FNIP2: variants seen among roughly 807,000 people sequenced by gnomAD.
FNIP2 encodes folliculin interacting protein 2.
A neutral mutation model predicts 108.7 loss-of-function variants in FNIP2; 32 were observed. That is an observed-to-expected ratio of 0.29 (90% CI 0.22 to 0.40). FNIP2 has a LOEUF of 0.40. FNIP2 is among the 10% of genes least tolerant of loss of function. The pLI is 1.00. For synonymous variants in FNIP2, 480 were observed against 496.7 expected, an observed-to-expected ratio of 0.97 and a Z score of 0.45; for missense variants, 1,202 against 1,381.6, an observed-to-expected ratio of 0.87 and a Z score of 2.06.
chr4:158,803,142 T>C (rs926483342), intron 1 of FNIP2, among the ~76,000 whole-genome samples: 1 of 152,230 alleles, frequency 6.6e-6, no homozygotes, highest in African/African-American at 2.4e-5. Flanking sequence ...TGTGGGAGTC[T>C]AGTCAGTGAT....
intron 1 of FNIP2, among the ~76,000 whole-genome samples, chr4:158,788,232 T>G (rs1044642212): frequency 1.2e-4 from 19 of 152,206 alleles, no homozygotes; most frequent in African/African-American, 4.3e-4. Context: ...CCTGGAAGCC[T>G]TTGCCGATAA....
rs145063071 is a variant in FNIP2, at chr4:158,866,584, T to A, written c.1466-1518T>A. Among the ~76,000 whole-genome samples the A allele has an allele frequency of 8.3e-4, 125 of 151,040 alleles. 1 individual carries two copies. Among genetic ancestry groups the A allele is most frequent in the Admixed American group, 5.5e-3 (84 of 15,158 alleles). On this transcript the variant is annotated intron_variant, in intron 12 of 16. Coordinates refer to ENST00000264433, the MANE Select transcript of FNIP2 (RefSeq NM_020840.3). ...ATACAAAGATACAATGAGACACATC[T>A]TTTTTTATGAGATGGAGTTTTGCTC...
intron 8 of FNIP2, among the ~76,000 whole-genome samples, chr4:158,858,075 T>C (rs1310605961): frequency 6.6e-6 from 1 of 152,206 alleles, no homozygotes; most frequent in Admixed American, 6.5e-5. Flanking sequence ...AGTAAATAAG[T>C]TGAAGACCAG....
chr4:158,852,054 A>C lies in FNIP2; in HGVS notation c.857+604A>C, dbSNP rs796153650. Among the ~76,000 whole-genome samples, 6 of 152,234 alleles carry C rather than the reference A, an allele frequency of 3.9e-5. No individual in the cohort carries two copies. The South Asian group carries it at 1.0e-3, about 26-fold the overall frequency. The stretch of plus-strand genomic sequence containing the variant: ...GGAATTTTTATATGTACCTATAAAA[A>C]TTCACATGTCAATTAACTGATTTAG... On this transcript the variant is annotated intron_variant, in intron 8 of 16. Transcript: ENST00000264433.
chr4:158,903,810 T>A (rs1729575596), intron 16 of FNIP2, among the ~76,000 whole-genome samples: 2 of 152,180 alleles, frequency 1.3e-5, no homozygotes, highest in South Asian at 4.1e-4. Context: ...AGTTCAATTT[T>A]TTTTTTTCAT....
At chr4:158,873,919 T>A (rs1189134640) in intron 14 of FNIP2, among the ~76,000 whole-genome samples, 2 of 152,250 alleles carry the variant, frequency 1.3e-5, no homozygotes, top group African/African-American at 4.8e-5. Context: ...CCAGCAGCAT[T>A]CTATGCCTGT....
At chr4:158,794,100 A>T (rs923898979) in intron 1 of FNIP2, among the ~76,000 whole-genome samples, 1 of 152,196 alleles carries the variant, frequency 6.6e-6, no homozygotes, top group African/African-American at 2.4e-5. Context: ...AATATTGATA[A>T]CATGTTGAAT....
intron 1 of FNIP2, among the ~76,000 whole-genome samples, chr4:158,823,334 C>T (rs1777985994): frequency 6.6e-6 from 1 of 152,072 alleles, no homozygotes; most frequent in African/African-American, 2.4e-5. Flanking sequence ...GGTGCGATCT[C>T]GGCTCACTGC....
At chr4:158,810,090 T>G (rs774044386) in intron 1 of FNIP2, among the ~76,000 whole-genome samples, 1 of 152,178 alleles carries the variant, frequency 6.6e-6, no homozygotes, top group Admixed American at 6.5e-5. Flanking sequence ...TAGAGAGAGA[T>G]ATGCTAAGGC....
At chr4:158,867,331 T>A (rs991638917) in intron 12 of FNIP2, among the ~76,000 whole-genome samples, 1 of 152,200 alleles carries the variant, frequency 6.6e-6, no homozygotes. Context: ...TAGCTGGGAC[T>A]ACAGGTGCAC....
intron 7 of FNIP2, among the ~76,000 whole-genome samples, chr4:158,849,872 T>C (rs1026186693): frequency 4.6e-5 from 7 of 151,762 alleles, no homozygotes; most frequent in Non-Finnish European, 7.4e-5. Flanking sequence ...GGCACCGTTA[T>C]GGGTACAATG....
In FNIP2 at chr4:158,904,924, G is replaced by A. The variant is rs115862136; in HGVS notation, c.*380G>A. On this transcript the variant is annotated 3_prime_UTR_variant, in exon 17 of 17. Transcript: ENST00000264433. ...GGTCAGCAGTGTACATAATATTCCA[G>A]TAGGAAACTGCTTCCAAGTTTAAGC... The A allele has an allele frequency of 1.2e-5, 2 of 160,922 alleles. No homozygotes were observed. Among genetic ancestry groups the A allele is most frequent in the African/African-American group, 4.8e-5 (2 of 41,794 alleles). 10.0% of individuals were successfully genotyped at this position (160,922 alleles called of 1,614,324 possible).
intron 1 of FNIP2, among the ~76,000 whole-genome samples, chr4:158,812,371 G>A (rs1186057521): frequency 2.0e-5 from 3 of 151,882 alleles, no homozygotes; most frequent in African/African-American, 7.3e-5. Context: ...AGGAGGAGAC[G>A]GCCTGTAATT....
intron 14 of FNIP2, among the ~76,000 whole-genome samples, chr4:158,884,384 A>G (rs529664031): frequency 1.2e-4 from 18 of 152,338 alleles, no homozygotes; most frequent in African/African-American, 4.3e-4. Context: ...CACTGAGTAG[A>G]CAAACATGTG....
At chr4:158,797,445 ATCT>A (rs1264655621) in intron 1 of FNIP2, among the ~76,000 whole-genome samples, 3 of 152,192 alleles carry the variant, frequency 2.0e-5, no homozygotes, top group Non-Finnish European at 4.4e-5. Context: ...CACACCTATA[ATCT>A]TAGCGCCTTG....
intron 13 of FNIP2, 109 bp from the exon 14 acceptor site, chr4:158,870,204 C>T: frequency 8.0e-7 from 1 of 1,256,358 alleles, no homozygotes; most frequent in Non-Finnish European, 1.1e-6. Flanking sequence ...CATGGACCAC[C>T]CTGAATCTAT....
Position 158,826,177 on chromosome 4 carries a change from C to A in FNIP2, c.234+135C>A, listed in dbSNP as rs1778145000. ...ATTAATGGTTCAGAAGAAACATAAGCAAGCATTGAATCCTTTAATCAAAGC... is the reference window on the plus strand; with the variant it reads ...ATTAATGGTTCAGAAGAAACATAAGAAAGCATTGAATCCTTTAATCAAAGC... On this transcript the variant is annotated intron_variant, in intron 2 of 16. Transcript: ENST00000264433. 9 of 1,249,984 alleles carry A rather than the reference C, an allele frequency of 7.2e-6. No homozygotes were observed. The Admixed American group carries it at 2.2e-4, about 30-fold the overall frequency. 77.4% of individuals were successfully genotyped at this position (1,249,984 alleles called of 1,614,324 possible). A position where few individuals can be genotyped will look rare whatever the true frequency, so the allele number is the denominator to read the frequency against.
chr4:158,880,383 T>C (rs908094974), intron 14 of FNIP2, among the ~76,000 whole-genome samples: 5 of 151,970 alleles, frequency 3.3e-5, no homozygotes, highest in East Asian at 1.9e-4. Flanking sequence ...TAGGTGGGAA[T>C]TGAACAATGA....
chr4:158,804,557 C>T (rs1776874132), intron 1 of FNIP2, among the ~76,000 whole-genome samples: 1 of 151,838 alleles, frequency 6.6e-6, no homozygotes, highest in Non-Finnish European at 1.5e-5. Flanking sequence ...GGACTACAGG[C>T]GCATGCCACT....
Sources: allele counts gnomAD v4.1 joint callset (sites outside exome capture counted in the v4.1 genomes callset), GRCh38; gene constraint gnomAD v4.1.1; transcripts MANE v1.5; gene names NCBI Gene and HGNC (gene_info 2026-07-23, HGNC 2026-07-21).